Variants in ATP2B2 observed in about 807,000 individuals in gnomAD.
The protein encoded by ATP2B2 is plasma membrane calcium-transporting ATPase 2.
A neutral mutation model predicts 120.0 loss-of-function variants in ATP2B2; 15 were observed. The ratio of observed to expected loss-of-function variants is 0.12; its 90% CI spans 0.08 to 0.19. ATP2B2 has a LOEUF of 0.19. Among genes scored for constraint, ATP2B2 ranks in the 10% least tolerant of loss-of-function variants. The pLI, the probability that ATP2B2 is intolerant of heterozygous loss-of-function variation, is 1.00. For missense variants in ATP2B2, 1,045 were observed against 1,719.8 expected, an observed-to-expected ratio of 0.61 and a Z score of 6.94; for synonymous variants, 694 against 700.3, an observed-to-expected ratio of 0.99 and a Z score of 0.14.
At chr3:10,703,878 C>T (rs1345662560) in intron 1 of ATP2B2, among the ~76,000 whole-genome samples, 1 of 152,236 alleles carries the variant, frequency 6.6e-6, no homozygotes, top group Non-Finnish European at 1.5e-5. Flanking sequence ...CCCCTGCCCA[C>T]TGGGCCACAC....
chr3:10,647,575 C>A lies in ATP2B2; in HGVS notation c.-459-27614G>T, dbSNP rs576873972. Among the ~76,000 whole-genome samples, 155 of 152,216 alleles carry A rather than the reference C, an allele frequency of 1.0e-3. 1 individual carries two copies. Among genetic ancestry groups the A allele is most frequent in the African/African-American group, 3.5e-3 (144 of 41,534 alleles). On this transcript the variant is annotated intron_variant, in intron 1 of 21. Transcript: ENST00000646379. Reference sequence around the variant, plus strand: ...CATGAGGAGGGTCCCCTGTATCTGTCCCCAGCAAGGAGATGGCCCTGGTAA... The same window carrying A: ...CATGAGGAGGGTCCCCTGTATCTGTACCCAGCAAGGAGATGGCCCTGGTAA...
chr3:10,627,539 T>A lies in ATP2B2; in HGVS notation c.-459-7578A>T, dbSNP rs192880456. 8.9e-4 allele frequency among the ~76,000 whole-genome samples: 135 copies of A among 152,084 alleles called. 1 individual carries two copies. The East Asian group carries it at 0.019, about 21-fold the overall frequency. On this transcript the variant is annotated intron_variant, in intron 1 of 21. Coordinates refer to the ATP2B2 transcript ENST00000646379. The stretch of plus-strand genomic sequence containing the variant: ...CTTAGCTATGTGACCCTGGGCCAGT[T>A]CTCCCAGCCTCTCTGAGCCTCATCA...
Position 10,375,509 on chromosome 3 carries a change from A to G in ATP2B2, c.1337T>C (p.Ile446Thr), listed in dbSNP as rs757647596. Residue 446 changes from isoleucine to threonine, a missense_variant, in exon 11 of 23, where the codon ATT becomes ACT. Physicochemically the swap from Ile to Thr is moderately conservative, Grantham distance 89. This residue lies in a region of ATP2B2 where 343 missense variants were observed against 536.8 expected (regional missense o/e 0.64). Coordinates refer to ENST00000360273, the MANE Select transcript of ATP2B2 (RefSeq NM_001001331.4). This position sits in a 1 kb window ranked among gnomAD's most constrained non-coding sequence, Gnocchi z 4.2. ...YVQYFVKFFI[I>T]GVTVLVVAVP... ...GGCGACCACCAGCACCGTCACGCCA[A>G]TGATGAAGAACTTGACAAAGTACTG... 2.5e-6 allele frequency: 4 copies of G among 1,613,766 alleles called. No homozygotes were observed. The highest frequency in any genetic ancestry group is 2.2e-5 in the South Asian group (2 of 91,074).
intron 1 of ATP2B2, among the ~76,000 whole-genome samples, chr3:10,690,438 ATCTATC>A (rs1413808819): frequency 1.1e-4 from 16 of 147,202 alleles, no homozygotes; most frequent in African/African-American, 4.2e-4. Context: ...ATCTATATCT[ATCTATC>A]TATCTATCTA....
chr3:10,337,041 G>A lies in ATP2B2; in HGVS notation c.3420+1135C>T, dbSNP rs572604766. ...GCGGGGCCCTAACCAGGGAGGGTGA[G>A]CCCAGGCCCGTGTCAGGCACCTCCG... On this transcript the variant is annotated intron_variant, in intron 22 of 22. Coordinates refer to ENST00000360273, the MANE Select transcript of ATP2B2 (RefSeq NM_001001331.4). Among the ~76,000 whole-genome samples, 314 of 152,266 alleles carry A rather than the reference G, an allele frequency of 2.1e-3. 1 individual carries two copies. The highest frequency in any genetic ancestry group is 7.3e-3 in the African/African-American group (302 of 41,562).
intron 1 of ATP2B2, among the ~76,000 whole-genome samples, chr3:10,621,673 AGGCCAACCT>A (rs2069553597): frequency 6.6e-6 from 1 of 152,226 alleles, no homozygotes; most frequent in Non-Finnish European, 1.5e-5. Flanking sequence ...CTTACTAATA[AGGCCAACCT>A]GGAGGGGTTC....
chr3:10,574,256 T>C (rs1425696608), intron 2 of ATP2B2, among the ~76,000 whole-genome samples: 3 of 152,180 alleles, frequency 2.0e-5, no homozygotes, highest in Non-Finnish European at 4.4e-5. Flanking sequence ...GGGGGAAACA[T>C]GAAACTGCTG....
intron 12 of ATP2B2, among the ~76,000 whole-genome samples, chr3:10,361,529 A>G (rs1036824195): frequency 2.0e-5 from 3 of 152,168 alleles, no homozygotes; most frequent in African/African-American, 7.2e-5. Context: ...TGCCCGCCGC[A>G]GGGCCGTGTG....
chr3:10,642,002 ATCCACC>A (rs150540699), intron 1 of ATP2B2, among the ~76,000 whole-genome samples: 112,900 of 151,726 alleles, frequency 0.74, 42,489 homozygotes, highest in African/African-American at 0.86. Context: ...CCATCCACCC[ATCCACC>A]CATCCACCCA....
chr3:10,402,127 C>T lies in ATP2B2; in HGVS notation c.619G>A (p.Glu207Lys). 1 of 1,614,198 alleles carries T rather than the reference C, an allele frequency of 6.2e-7. No individual in the cohort carries two copies. The highest frequency in any genetic ancestry group is 8.5e-7 in the Non-Finnish European group (1 of 1,180,054). Reference protein sequence around the residue: ...AGQVVQIPVAEIVVGDIAQVK... With the variant: ...AGQVVQIPVAKIVVGDIAQVK... ...TGGGCTATGTCCCCAACCACGATCT[C>T]AGCCACAGGGATCTGGACCACCTGG... The change falls in exon 4 of 23, where the codon GAG (glutamate) becomes AAG (lysine). Residue 207 changes from glutamate to lysine, a missense_variant. By Grantham distance (56) the Glu-to-Lys change is moderately conservative. Coordinates refer to ENST00000360273, the MANE Select transcript of ATP2B2 (RefSeq NM_001001331.4). This position sits in a 1 kb window ranked among gnomAD's most constrained non-coding sequence, Gnocchi z 4.9.
At position 10,633,069 on chromosome 3, in the gene ATP2B2, C is replaced by T. The variant is rs184244329; in HGVS notation, c.-459-13108G>A. On this transcript the variant is annotated intron_variant, in intron 1 of 21. Coordinates refer to the ATP2B2 transcript ENST00000646379. ...GATAAAAAGTAAGGAGATGCAGGGG[C>T]TGGCTGGGAACAGGGGCCCTGAGCC... Among the ~76,000 whole-genome samples, 100 of 152,348 alleles carry T rather than the reference C, an allele frequency of 6.6e-4. No individual in the cohort carries two copies. In the Middle Eastern group the frequency reaches 0.014, roughly 21 times the overall value.
At chr3:10,394,496 C>T (rs557888600) in intron 5 of ATP2B2, 68 of 471,268 alleles carry the variant, frequency 1.4e-4, no homozygotes, top group Non-Finnish European at 2.3e-4. Context: ...TGAACCCGTG[C>T]TCTATCCACT....
chr3:10,422,776 T>C (rs140572063), intron 2 of ATP2B2, among the ~76,000 whole-genome samples: 2 of 152,254 alleles, frequency 1.3e-5, no homozygotes, highest in Non-Finnish European at 2.9e-5. Context: ...CATGTGGACA[T>C]GGCACAGAAC....
chr3:10,350,155 C>T lies in ATP2B2; in HGVS notation c.2361G>A (p.Val787=). ...TGTCCGTTGGGGAGGAGCGAGCCAG[C>T]ACCCGCAGCTTTGGCCAGATCTTGT... The part of the protein sequence containing the change: ...RIDKIWPKLR[V]LARSSPTDKH... Residue 787 remains valine (V), a synonymous_variant, in exon 16 of 23, where the codon GTG becomes GTA. Transcript: ENST00000360273. The T allele has an allele frequency of 6.2e-7, 1 of 1,613,710 alleles. No individual in the cohort carries two copies. The highest frequency in any genetic ancestry group is 8.5e-7 in the Non-Finnish European group (1 of 1,179,964).
At chr3:10,607,700 C>T (rs547861028) in intron 2 of ATP2B2, among the ~76,000 whole-genome samples, 21 of 152,368 alleles carry the variant, frequency 1.4e-4, no homozygotes, top group African/African-American at 5.0e-4. Context: ...CAACCCCAAG[C>T]AGCGAGGGCC....
chr3:10,473,242 T>C (rs995240518), intron 1 of ATP2B2, among the ~76,000 whole-genome samples: 7 of 152,228 alleles, frequency 4.6e-5, no homozygotes, highest in Admixed American at 2.0e-4. Flanking sequence ...TCTGATTTGT[T>C]CACTCCACAG....
intron 2 of ATP2B2, among the ~76,000 whole-genome samples, chr3:10,613,315 G>A (rs1313805255): frequency 6.6e-6 from 1 of 152,152 alleles, no homozygotes; most frequent in Non-Finnish European, 1.5e-5. Context: ...CATAAAAGCG[G>A]CACTTCTCTG....
intron 12 of ATP2B2, among the ~76,000 whole-genome samples, chr3:10,368,360 T>C (rs1318516692): frequency 6.6e-6 from 1 of 152,068 alleles, no homozygotes; most frequent in Admixed American, 6.5e-5. Context: ...CTTGCTGCCA[T>C]ACAAGAACAA....
chr3:10,561,380 G>C (rs2067900295), intron 2 of ATP2B2, among the ~76,000 whole-genome samples: 1 of 152,180 alleles, frequency 6.6e-6, no homozygotes, highest in Non-Finnish European at 1.5e-5. Flanking sequence ...CATCATACTG[G>C]TTAACCCCCC....
Sources: gnomAD v4.1 joint callset for allele counts (sites outside exome capture counted in the v4.1 genomes callset) on GRCh38, gnomAD v4.1.1 for gene constraint, gnomAD v4.1.1 regional missense constraint, Gnocchi (gnomAD v3.1) non-coding constraint, MANE v1.5 for transcripts, NCBI Gene and HGNC (gene_info 2026-07-23, HGNC 2026-07-21) for gene names.